The following SFXN4 variants were observed in gnomAD, a reference collection of about 807,000 sequenced individuals.
SFXN4 encodes the protein sideroflexin 4.
SFXN4 carries 48 observed loss-of-function variants against 54.6 expected under a neutral mutation model. The ratio of observed to expected loss-of-function variants is 0.88; its 90% CI spans 0.70 to 1.12. SFXN4 has a LOEUF of 1.12. Ranked by LOEUF, SFXN4 falls within the 50% of genes most tolerant of loss-of-function variation. SFXN4 has a pLI of 0.00. For synonymous variants in SFXN4, 130 were observed against 145.5 expected (o/e 0.89, Z 0.77); for missense variants, 383 against 409.2 (o/e 0.94, Z 0.55).
intron 2 of SFXN4, 98 bp downstream of exon 2, chr10:119,164,033 T>A (rs1488160824): frequency 1.2e-5 from 8 of 686,594 alleles, no homozygotes; most frequent in Non-Finnish European, 1.8e-5. Flanking sequence ...AGAACGAAAC[T>A]CCGTCTCAAA....
chr10:119,156,637 A>G, intron 10 of SFXN4, 41 bp downstream of exon 10: 1 of 1,479,108 alleles, frequency 6.8e-7, no homozygotes, highest in Non-Finnish European at 9.4e-7. Flanking sequence ...GACCACAAAG[A>G]CACCCCACCC....
intron 13 of SFXN4, among the ~76,000 whole-genome samples, chr10:119,144,149 TG>T (rs1846680056): frequency 6.6e-6 from 1 of 152,106 alleles, no homozygotes; most frequent in South Asian, 2.1e-4. Context: ...ACATTTGAAA[TG>T]TTTAGCCAAG....
chr10:119,141,661 C>T (rs918578255), intron 13 of SFXN4, among the ~76,000 whole-genome samples: 5 of 151,932 alleles, frequency 3.3e-5, no homozygotes, highest in African/African-American at 7.3e-5. Flanking sequence ...GGATTACAGG[C>T]GCGCACCACC....
intron 10 of SFXN4, 38 bp from the exon 11 acceptor site, chr10:119,155,215 G>T: frequency 7.1e-7 from 1 of 1,405,120 alleles, no homozygotes; most frequent in Non-Finnish European, 1.0e-6. Context: ...CCAAGACGGG[G>T]GTGAGTCTTG....
intron 13 of SFXN4, among the ~76,000 whole-genome samples, chr10:119,145,586 G>A (rs1451144221): frequency 6.6e-6 from 1 of 152,116 alleles, no homozygotes; most frequent in Non-Finnish European, 1.5e-5. Flanking sequence ...TTACAGGCAT[G>A]AGCCACCGCG....
chr10:119,149,868 C>T (rs1036984412), intron 11 of SFXN4, among the ~76,000 whole-genome samples: 18 of 152,226 alleles, frequency 1.2e-4, no homozygotes, highest in Admixed American at 1.1e-3. Context: ...CGAGGCCCGC[C>T]TCTCTCCCTT....
chr10:119,148,296 G>A (rs7923486), intron 11 of SFXN4, among the ~76,000 whole-genome samples: 70,909 of 151,856 alleles, frequency 0.47, 16,913 homozygotes, highest in East Asian at 0.72. Flanking sequence ...AGGCGGAGGG[G>A]ACGCCTTCCA....
rs372672920 is a variant in SFXN4 at position 119,165,545 on chromosome 10, C to T, written c.103G>A (p.Glu35Lys). 1.0e-4 allele frequency: 165 copies of T among 1,583,408 alleles called. 2 individuals are homozygous for T. The Middle Eastern group carries it at 1.7e-3, about 16-fold the overall frequency. ...IEPNVRFWIT[E>K]RQSFIRRFLQ... The stretch of plus-strand genomic sequence containing the variant: ...CCGGGCCCGGGCCGTACTTGGCGCT[C>T]GGTGATCCAGAAGCGCACGTTGGGC... The change falls in exon 1 of 14, where the codon GAG (glutamate) becomes AAG (lysine). Residue 35 changes from glutamate (E) to lysine (K), a missense_variant. Coordinates refer to ENST00000355697, the MANE Select transcript of SFXN4 (RefSeq NM_213649.2).
chr10:119,152,040 C>T (rs1323518989), intron 11 of SFXN4, among the ~76,000 whole-genome samples: 2 of 149,962 alleles, frequency 1.3e-5, no homozygotes, highest in East Asian at 4.0e-4. Flanking sequence ...GCTGGTCTCG[C>T]ACTCATGGAC....
At chr10:119,145,312 T>A (rs1323321831) in intron 13 of SFXN4, among the ~76,000 whole-genome samples, 1 of 79,264 alleles carries the variant, frequency 1.3e-5, no homozygotes. Flanking sequence ...TTTCTTATGA[T>A]TTTTTTTTTT....
intron 12 of SFXN4, among the ~76,000 whole-genome samples, 154 bp downstream of exon 12, chr10:119,147,621 C>A (rs1344952819): frequency 2.6e-5 from 4 of 152,100 alleles, no homozygotes; most frequent in Non-Finnish European, 5.9e-5. Context: ...TCCACGCCTG[C>A]CACAATCAAT....
At position 119,161,169 on chromosome 10, in the gene SFXN4, A is replaced by T. The variant is rs1847515233; in HGVS notation, c.253-88T>A. ...GCTCTGTCACCCAGGGCTGGGGTAT[A>T]GTGGCACAATCATCACTCACTGCAG... is the stretch of plus-strand genomic sequence containing the variant. On this transcript the variant is annotated intron_variant, in intron 3 of 13. Transcript: ENST00000355697. The T allele has an allele frequency of 8.9e-5, 118 of 1,320,004 alleles. No homozygotes were observed. The South Asian group carries it at 1.4e-3, about 15-fold the overall frequency. 81.8% of individuals were successfully genotyped at this position (1,320,004 alleles called of 1,614,324 possible).
At chr10:119,145,135 T>C (rs1448309905) in intron 13 of SFXN4, among the ~76,000 whole-genome samples, 1 of 151,948 alleles carries the variant, frequency 6.6e-6, no homozygotes, top group Non-Finnish European at 1.5e-5. Context: ...GTTTGAACAA[T>C]GCAGGTCCAC....
At chr10:119,158,569 T>A (rs1281885703) in intron 6 of SFXN4, among the ~76,000 whole-genome samples, 2 of 129,166 alleles carry the variant, frequency 1.5e-5, no homozygotes, top group East Asian at 4.5e-4. Flanking sequence ...TGAGCCAAGA[T>A]CATGCCATTG....
chr10:119,157,417 C>G (rs1183562201), intron 9 of SFXN4, among the ~76,000 whole-genome samples: 1 of 125,828 alleles, frequency 7.9e-6, no homozygotes, highest in African/African-American at 3.1e-5. Context: ...GGCAACAGAG[C>G]AAGACTGTGT....
intron 5 of SFXN4, among the ~76,000 whole-genome samples, chr10:119,160,098 G>A (rs1040262988): frequency 1.3e-5 from 2 of 151,902 alleles, no homozygotes; most frequent in Admixed American, 1.3e-4. Flanking sequence ...AGGATCAGCT[G>A]AGCCTGGGAG....
At chr10:119,165,452 G>A in intron 1 of SFXN4, 85 bp downstream of exon 1, 1 of 1,408,810 alleles carries the variant, frequency 7.1e-7, no homozygotes, top group Non-Finnish European at 9.2e-7. Flanking sequence ...CACGTGGCCT[G>A]GCCAAGGTCA....
At chr10:119,151,107 C>T (rs551064512) in intron 11 of SFXN4, among the ~76,000 whole-genome samples, 7 of 152,314 alleles carry the variant, frequency 4.6e-5, no homozygotes, top group Non-Finnish European at 8.8e-5. Flanking sequence ...TGGGGGCTCA[C>T]GCCTGTAATC....
In SFXN4 at chr10:119,159,764, G is replaced by T; in HGVS notation, c.335-11C>A. 1 of 1,613,580 alleles carries T rather than the reference G, an allele frequency of 6.2e-7. No individual in the cohort carries two copies. The highest frequency in any genetic ancestry group is 1.1e-5 in the South Asian group (1 of 91,034). ...TGAAAGGCAGGAACGCTGGCAGGAA[G>T]AGAAGAGAGGAGGTGTCAGTGATCA... On this transcript the variant is annotated splice_polypyrimidine_tract_variant and intron_variant, in intron 5 of 13. Transcript: ENST00000355697.
Sources: gnomAD v4.1 joint callset for allele counts (sites outside exome capture counted in the v4.1 genomes callset) on GRCh38, gnomAD v4.1.1 for gene constraint, MANE v1.5 for transcripts, NCBI Gene and HGNC (gene_info 2026-07-23, HGNC 2026-07-21) for gene names.